FER: variants seen among roughly 807,000 people sequenced by gnomAD.
FER encodes FER tyrosine kinase.
FER carries 63 observed loss-of-function variants against 111.0 expected under a neutral mutation model. The observed-to-expected ratio is 0.57, with a 90% confidence interval of 0.46 to 0.70. The LOEUF is 0.70. Among genes scored for constraint, FER ranks in the 30% least tolerant of loss-of-function variants. The probability of loss-of-function intolerance (pLI) is 0.00; values close to 1 mark genes in which losing one functional copy is unlikely to be tolerated. For missense variants in FER, 914 were observed against 954.0 expected (o/e 0.96, Z 0.55); for synonymous variants, 327 against 313.9 (o/e 1.04, Z -0.44).
chr5:109,044,103 G>A (rs1476044925), intron 14 of FER, among the ~76,000 whole-genome samples: 1 of 151,770 alleles, frequency 6.6e-6, no homozygotes, highest in Non-Finnish European at 1.5e-5. Context: ...TTATCTTCTC[G>A]GTAATGTTTT....
intron 17 of FER, among the ~76,000 whole-genome samples, chr5:109,153,851 A>T (rs1207531917): frequency 6.6e-6 from 1 of 151,780 alleles, no homozygotes; most frequent in Non-Finnish European, 1.5e-5. Context: ...TGGGAAAGTC[A>T]CTTCAGTTAT....
intron 18 of FER, among the ~76,000 whole-genome samples, chr5:109,184,280 A>G (rs1758617135): frequency 1.3e-5 from 2 of 152,328 alleles, no homozygotes; most frequent in Admixed American, 1.3e-4. Context: ...TTTAGTGAGC[A>G]GGTTTCCCAT....
At chr5:108,778,445 C>G (rs1346972367) in intron 2 of FER, among the ~76,000 whole-genome samples, 1 of 152,144 alleles carries the variant, frequency 6.6e-6, no homozygotes, top group African/African-American at 2.4e-5. Context: ...GCATTCTTAC[C>G]AGCAATAAAT....
At chr5:109,060,444 G>T (rs990235642) in intron 16 of FER, among the ~76,000 whole-genome samples, 2 of 152,014 alleles carry the variant, frequency 1.3e-5, no homozygotes, top group East Asian at 3.9e-4. Context: ...ATAATACTTT[G>T]GGAGGCTGAG....
At chr5:109,007,169 A>G (rs116061864) in intron 13 of FER, among the ~76,000 whole-genome samples, 308 of 152,326 alleles carry the variant, frequency 2.0e-3, no homozygotes, top group Middle Eastern at 6.8e-3. Flanking sequence ...TTTCGAAGTA[A>G]TAGCTCATAT....
intron 17 of FER, among the ~76,000 whole-genome samples, chr5:109,138,083 A>T (rs1180508205): frequency 1.3e-5 from 2 of 152,188 alleles, no homozygotes; most frequent in African/African-American, 4.8e-5. Context: ...TGCTTCAGGA[A>T]CTATAGGAGA....
intron 17 of FER, among the ~76,000 whole-genome samples, chr5:109,120,201 C>G (rs1322221037): frequency 1.3e-5 from 2 of 152,024 alleles, no homozygotes; most frequent in African/African-American, 4.8e-5. Flanking sequence ...TGGAGAGTTT[C>G]CCCAATGTTT....
At chr5:109,127,214 A>C (rs1278620593) in intron 17 of FER, among the ~76,000 whole-genome samples, 1 of 152,212 alleles carries the variant, frequency 6.6e-6, no homozygotes, top group African/African-American at 2.4e-5. Flanking sequence ...ATTGAATACC[A>C]ATACAAAAAT....
intron 2 of FER, among the ~76,000 whole-genome samples, chr5:108,769,198 A>T (rs1364932213): frequency 6.6e-6 from 1 of 152,176 alleles, no homozygotes; most frequent in Non-Finnish European, 1.5e-5. Flanking sequence ...TCTACTTTAG[A>T]TAGGGTCATA....
chr5:108,961,944 A>G (rs1030190749), intron 13 of FER, among the ~76,000 whole-genome samples: 1 of 152,188 alleles, frequency 6.6e-6, no homozygotes, highest in African/African-American at 2.4e-5. Flanking sequence ...TTTTTAGCCT[A>G]AAGAATTCCA....
rs762519618 is a variant in FER, at chr5:108,959,364, T to C, written c.1656+17T>C. The stretch of plus-strand genomic sequence containing the variant: ...ATTCCTAAGGTAGGTGCTTATATAC[T>C]TTTTTGTCTGTTTGTTTTAAAAGAA... On this transcript the variant is annotated intron_variant, in intron 13 of 19. Coordinates refer to ENST00000281092, the MANE Select transcript of FER (RefSeq NM_005246.4). The C allele has an allele frequency of 7.6e-6, 12 of 1,570,522 alleles. No individual in the cohort carries two copies. Among genetic ancestry groups the C allele is most frequent in the Admixed American group, 3.9e-5 (2 of 51,934 alleles).
Position 108,883,521 on chromosome 5 carries a change from G to A in FER, c.1046+3G>A, listed in dbSNP as rs772631804. 1.9e-6 allele frequency: 3 copies of A among 1,574,230 alleles called. No individual in the cohort carries two copies. The highest frequency in any genetic ancestry group is 2.6e-6 in the Non-Finnish European group (3 of 1,161,070). On this transcript the variant is annotated splice_donor_region_variant and intron_variant, in intron 9 of 19. Transcript: ENST00000281092. ...GAAACTTGTGAGAAGAAGTCTGAGT[G>A]AGTAAAAGAGAAACAATTTGAAGGA...
At chr5:108,773,604 A>G (rs1470149354) in intron 2 of FER, among the ~76,000 whole-genome samples, 2 of 151,882 alleles carry the variant, frequency 1.3e-5, no homozygotes, top group Admixed American at 6.6e-5. Flanking sequence ...ATTGATGGCC[A>G]TTTAGGTTAA....
At chr5:109,011,000 C>A (rs1237598550) in intron 13 of FER, among the ~76,000 whole-genome samples, 2 of 152,068 alleles carry the variant, frequency 1.3e-5, no homozygotes, top group African/African-American at 4.8e-5. Flanking sequence ...TACCCATGAG[C>A]CTCACTCAGA....
intron 13 of FER, among the ~76,000 whole-genome samples, chr5:109,018,904 A>G (rs1767555046): frequency 6.6e-6 from 1 of 151,588 alleles, no homozygotes; most frequent in South Asian, 2.1e-4. Flanking sequence ...GGAAACCTTG[A>G]TTACTGTGGG....
intron 13 of FER, among the ~76,000 whole-genome samples, chr5:108,990,857 CT>C (rs1373659471): frequency 2.0e-5 from 3 of 151,704 alleles, no homozygotes; most frequent in Non-Finnish European, 4.4e-5. Flanking sequence ...AAATATGTTT[CT>C]AGATTTACAT....
At chr5:108,761,071 C>T (rs1450560443) in intron 1 of FER, among the ~76,000 whole-genome samples, 2 of 151,998 alleles carry the variant, frequency 1.3e-5, no homozygotes, top group African/African-American at 2.4e-5. Context: ...GCTGGGATTA[C>T]AGGTGCCCGC....
At chr5:109,109,692 T>C (rs1018814740) in intron 17 of FER, among the ~76,000 whole-genome samples, 1 of 152,086 alleles carries the variant, frequency 6.6e-6, no homozygotes, top group Non-Finnish European at 1.5e-5. Flanking sequence ...CCATACCATT[T>C]TAAGATTAGA....
At chr5:109,019,072 A>T (rs1392283526) in intron 13 of FER, among the ~76,000 whole-genome samples, 1 of 151,316 alleles carries the variant, frequency 6.6e-6, no homozygotes, top group Non-Finnish European at 1.5e-5. Flanking sequence ...CAAGTGTAAT[A>T]TTTTTTTCCA....
Sources: gnomAD v4.1 joint callset for allele counts (sites outside exome capture counted in the v4.1 genomes callset) on GRCh38, gnomAD v4.1.1 for gene constraint, MANE v1.5 for transcripts, NCBI Gene and HGNC (gene_info 2026-07-23, HGNC 2026-07-21) for gene names.